The following AFAP1L1 variants were observed in gnomAD, a reference collection of about 807,000 sequenced individuals.
The protein encoded by AFAP1L1 is actin filament associated protein 1 like 1, also known as actin filament-associated protein 1-like 1.
In AFAP1L1, 77 loss-of-function variants were observed where a neutral mutation model predicts 99.8. The ratio of observed to expected loss-of-function variants is 0.77; its 90% CI spans 0.64 to 0.93. AFAP1L1 has a LOEUF of 0.93. Ranked by LOEUF, AFAP1L1 falls within the 40% of genes least tolerant of loss-of-function variation. The pLI is 0.00. For missense variants in AFAP1L1, 893 were observed against 996.8 expected (o/e 0.90, Z 1.40); for synonymous variants, 373 against 395.3 (o/e 0.94, Z 0.67).
chr5:149,317,067 A>G (rs866646452), intron 11 of AFAP1L1, among the ~76,000 whole-genome samples: 3 of 152,264 alleles, frequency 2.0e-5, no homozygotes, highest in Middle Eastern at 3.4e-3. Context: ...TGGGAGGCTG[A>G]GGTGGGAGGA....
In AFAP1L1 at chr5:149,316,237, T is replaced by C. The variant is rs746515510; in HGVS notation, c.1201T>C (p.Ser401Pro). 7 of 1,613,874 alleles carry C rather than the reference T, an allele frequency of 4.3e-6. No individual in the cohort carries two copies. In the East Asian group the frequency reaches 1.6e-4, roughly 36 times the overall value. Residue 401 changes from serine to proline, a missense_variant, in exon 11 of 19, where the codon TCC (serine) becomes CCC (proline). Physicochemically the swap from Ser to Pro is moderately conservative, Grantham distance 74. Coordinates refer to ENST00000296721, the MANE Select transcript of AFAP1L1 (RefSeq NM_152406.4). ...GRKITRIIGF[S>P]KKKTLADDLQ... is the part of the protein sequence containing the mutation. The stretch of plus-strand genomic sequence containing the variant: ...CAAGATCACCCGTATCATTGGCTTC[T>C]CCAAGAAGAAGACACTGGCCGATGA...
In AFAP1L1 at chr5:149,329,753, AAG is replaced by A. The variant is rs748856077; in HGVS notation, c.1902_1903del (p.Glu634AspfsTer51). 2 of 1,614,090 alleles carry A rather than the reference AAG, an allele frequency of 1.2e-6. No individual in the cohort carries two copies. The highest frequency in any genetic ancestry group is 1.7e-5 in the Admixed American group (1 of 59,976). On this transcript the variant is annotated frameshift_variant, in exon 16 of 19. Coordinates refer to ENST00000296721, the MANE Select transcript of AFAP1L1 (RefSeq NM_152406.4). LOFTEE classifies it high-confidence loss of function. ...GAAAAAGAGAAGCTGGAGAAAGAGA[AAG>A]AGACGATTCGGACAGAGCTGATAGC...
At chr5:149,317,607 CAG>C in intron 11 of AFAP1L1, 120 bp from the exon 12 acceptor site, 4 of 982,820 alleles carry the variant, frequency 4.1e-6, no homozygotes, top group Non-Finnish European at 6.0e-6. Flanking sequence ...CCTGAGGTCA[CAG>C]GGGAAAGAGA....
At chr5:149,312,028 A>T (rs1380584539) in intron 8 of AFAP1L1, 84 bp from the exon 9 acceptor site, 9 of 1,283,334 alleles carry the variant, frequency 7.0e-6, no homozygotes, top group Non-Finnish European at 1.0e-5. Flanking sequence ...TCTGTTCTAC[A>T]GCATTCACCA....
rs80089509 is a variant in AFAP1L1, at chr5:149,300,317, G to A, written c.192G>A (p.Ser64=). The A allele has an allele frequency of 5.0e-5, 81 of 1,613,426 alleles. No homozygotes were observed. The highest frequency in any genetic ancestry group is 1.3e-4 in the African/African-American group (10 of 74,992). ...YLYVNTADLH[S]GPSFVESLFE... is the part of the protein sequence containing the mutation. ...ATGTGAACACAGCAGACCTCCACTC[G>A]GGGCCCAGCTTCGTGGAATCCCTCT... Residue 64 remains serine, a synonymous_variant, in exon 3 of 19, where the codon TCG becomes TCA. Coordinates refer to ENST00000296721, the MANE Select transcript of AFAP1L1 (RefSeq NM_152406.4).
chr5:149,312,350 T>C (rs1561675742), intron 9 of AFAP1L1, 146 bp downstream of exon 9: 2 of 767,560 alleles, frequency 2.6e-6, no homozygotes, highest in African/African-American at 3.4e-5. Context: ...CAACAGTAGG[T>C]GCTTAATAAA....
Position 149,340,133 on chromosome 5 carries a change from C to A in AFAP1L1, c.*103C>A. 7.0e-7 allele frequency: 1 copy of A among 1,420,268 alleles called. No individual in the cohort carries two copies. The highest frequency in any genetic ancestry group is 9.8e-7 in the Non-Finnish European group (1 of 1,022,586). 88.0% of individuals were successfully genotyped at this position (1,420,268 alleles called of 1,614,324 possible). On this transcript the variant is annotated 3_prime_UTR_variant, in exon 19 of 19. Transcript: ENST00000296721. The stretch of plus-strand genomic sequence containing the variant: ...CACCAAGAGAAGACTAGGAAGTAGC[C>A]CTCGTTCTCCAGGGCACCCAAAATA...
intron 1 of AFAP1L1, among the ~76,000 whole-genome samples, chr5:149,278,847 C>T (rs961631959): frequency 1.2e-4 from 18 of 152,304 alleles, no homozygotes; most frequent in Admixed American, 1.2e-3. Flanking sequence ...GCCCCTCTCT[C>T]CCCTGATCTC....
In AFAP1L1 at chr5:149,339,917, C is replaced by A. The variant is rs981182003; in HGVS notation, c.2284-90C>A. On this transcript the variant is annotated intron_variant, in intron 18 of 18. Coordinates refer to ENST00000296721, the MANE Select transcript of AFAP1L1 (RefSeq NM_152406.4). ...CCAACGCAACCTGGCTAGTGGAGAT[C>A]TTCATCTAACTAGGTGCCGTGAAAT... is the stretch of plus-strand genomic sequence containing the variant. The A allele has an allele frequency of 4.8e-6, 7 of 1,461,520 alleles. No homozygotes were observed. In the African/African-American group the frequency reaches 8.4e-5, roughly 18 times the overall value. The allele number at this position is 1,461,520 out of a possible 1,614,324, so 90.5% of individuals were successfully genotyped here. A position where few individuals can be genotyped will look rare whatever the true frequency, so the allele number is the denominator to read the frequency against.
intron 5 of AFAP1L1, among the ~76,000 whole-genome samples, chr5:149,305,137 C>T (rs369075945): frequency 2.0e-4 from 31 of 152,340 alleles, no homozygotes; most frequent in African/African-American, 7.5e-4. Flanking sequence ...ACTTGTTTAG[C>T]ACATTGTGTG....
At chr5:149,282,060 A>G (rs1053131490) in intron 1 of AFAP1L1, among the ~76,000 whole-genome samples, 5 of 152,152 alleles carry the variant, frequency 3.3e-5, no homozygotes, top group Non-Finnish European at 7.3e-5. Flanking sequence ...GCCGGGGTCT[A>G]TCCTCCATCT....
chr5:149,317,827 A>AC lies in AFAP1L1; in HGVS notation c.1369dup (p.His457ProfsTer11). On this transcript the variant is annotated frameshift_variant, in exon 12 of 19. Transcript: ENST00000296721. LOFTEE classifies it high-confidence loss of function. The stretch of plus-strand genomic sequence containing the variant: ...CCACAAGGATCACATGGACCTGCGA[A>AC]CCCATGTGAACGCCATCGCCCTGCA... 1 of 1,612,474 alleles carries AC rather than the reference A, an allele frequency of 6.2e-7. No individual in the cohort carries two copies. Among genetic ancestry groups the AC allele is most frequent in the Non-Finnish European group, 8.5e-7 (1 of 1,179,416 alleles).
chr5:149,301,771 A>G (rs1459332009), intron 4 of AFAP1L1, among the ~76,000 whole-genome samples: 3 of 152,228 alleles, frequency 2.0e-5, no homozygotes, highest in East Asian at 3.8e-4. Context: ...TCATAATCAC[A>G]ACAAGCTTTG....
At chr5:149,290,419 G>A (rs953353201) in intron 1 of AFAP1L1, among the ~76,000 whole-genome samples, 3 of 152,212 alleles carry the variant, frequency 2.0e-5, no homozygotes, top group African/African-American at 7.2e-5. Context: ...ATATGCTCAC[G>A]TTACTGATGG....
rs1756989199 is a variant in AFAP1L1, at chr5:149,322,733, G to A, written c.1810+16G>A. 6.4e-7 allele frequency: 1 copy of A among 1,560,320 alleles called. No homozygotes were observed. Among genetic ancestry groups the A allele is most frequent in the Non-Finnish European group, 8.7e-7 (1 of 1,149,308 alleles). ...CACGCCTCCAGTGAGTTGTGTGTGG[G>A]CCTCCCCTGCTGACTAGGGAGGAAG... On this transcript the variant is annotated intron_variant, in intron 15 of 18. Transcript: ENST00000296721.
chr5:149,276,245 A>G (rs1755318601), intron 1 of AFAP1L1, among the ~76,000 whole-genome samples: 1 of 152,248 alleles, frequency 6.6e-6, no homozygotes, highest in African/African-American at 2.4e-5. Context: ...TAAAAAGCTC[A>G]GCATCAAAGT....
rs969182346 is a variant in AFAP1L1, at chr5:149,322,645, C to T, written c.1738C>T (p.Arg580Cys). Residue 580 changes from arginine to cysteine, a missense_variant, in exon 15 of 19, where the codon CGT becomes TGT. Coordinates refer to ENST00000296721, the MANE Select transcript of AFAP1L1 (RefSeq NM_152406.4). ...PERPTGAQVK[R>C]HASSCSEKSH... The stretch of plus-strand genomic sequence containing the variant: ...GCGCCCCACAGGGGCCCAGGTGAAG[C>T]GTCACGCCTCCTCCTGCAGTGAGAA... The T allele has an allele frequency of 2.4e-5, 38 of 1,591,518 alleles. No homozygotes were observed. Among genetic ancestry groups the T allele is most frequent in the African/African-American group, 2.3e-4 (17 of 74,536 alleles).
intron 18 of AFAP1L1, among the ~76,000 whole-genome samples, chr5:149,339,600 G>C (rs1757504032): frequency 6.6e-6 from 1 of 152,062 alleles, no homozygotes; most frequent in Admixed American, 6.5e-5. Flanking sequence ...AGAAATAGGA[G>C]CTGATGGATT....
At chr5:149,301,718 A>ATAGGATGC (rs1393984851) in intron 4 of AFAP1L1, among the ~76,000 whole-genome samples, 1 of 152,192 alleles carries the variant, frequency 6.6e-6, no homozygotes, top group East Asian at 1.9e-4. Flanking sequence ...TGGACCAGAT[A>ATAGGATGC]TAGGATGCGC....
Sources: gnomAD v4.1 joint callset for allele counts (sites outside exome capture counted in the v4.1 genomes callset) on GRCh38, gnomAD v4.1.1 for gene constraint, MANE v1.5 for transcripts, NCBI Gene and HGNC (gene_info 2026-07-23, HGNC 2026-07-21) for gene names.